F5: variants seen among roughly 807,000 people sequenced by gnomAD.
The protein encoded by F5 is coagulation factor V, also known as activated protein c cofactor.
A neutral mutation model predicts 216.4 loss-of-function variants in F5; 138 were observed. The ratio of observed to expected loss-of-function variants is 0.64; its 90% CI spans 0.56 to 0.73. The LOEUF (loss-of-function observed/expected upper bound fraction) is 0.73, where lower values mean the gene tolerates loss of function less well. F5 is among the 30% of genes least tolerant of loss of function. The probability of loss-of-function intolerance (pLI) is 0.00; values close to 1 mark genes in which losing one functional copy is unlikely to be tolerated. For missense variants in F5, 2,403 were observed against 2,674.0 expected (o/e 0.90, Z 2.24); for synonymous variants, 916 against 930.7 (o/e 0.98, Z 0.29).
At chr1:169,576,723 C>T (rs548996423) in intron 2 of F5, among the ~76,000 whole-genome samples, 6 of 152,300 alleles carry the variant, frequency 3.9e-5, no homozygotes, top group Admixed American at 2.0e-4. Context: ...GAAGTTTCCA[C>T]TGACTATTCC....
intron 1 of F5, among the ~76,000 whole-genome samples, chr1:169,584,818 T>C (rs1284196696): frequency 2.0e-5 from 3 of 152,194 alleles, no homozygotes; most frequent in East Asian, 3.8e-4. Flanking sequence ...GACTCAACAA[T>C]TCCTACCAGA....
Position 169,559,293 on chromosome 1 carries a change from G to T in F5, c.590C>A (p.Thr197Asn). Residue 197 changes from threonine to asparagine, a missense_variant, in exon 5 of 25, where the codon ACC (threonine) becomes AAC (asparagine). Transcript: ENST00000367797. ...IGPLLICKKG[T>N]LTEGGTQKTF... ...CTTCTGTGTCCCACCCTCAGTTAGG[G>T]TCCCTATGAAAGGAAAGACATGTTT... is the stretch of plus-strand genomic sequence containing the variant. 2 of 1,613,506 alleles carry T rather than the reference G, an allele frequency of 1.2e-6. No individual in the cohort carries two copies. The highest frequency in any genetic ancestry group is 1.7e-6 in the Non-Finnish European group (2 of 1,179,652).
At chr1:169,553,681 C>T (rs1300346414) in intron 7 of F5, among the ~76,000 whole-genome samples, 1 of 152,194 alleles carries the variant, frequency 6.6e-6, no homozygotes, top group Non-Finnish European at 1.5e-5. Flanking sequence ...GAGATTGCGC[C>T]ACTGCACTCC....
At chr1:169,521,381 C>T (rs1659301973) in intron 21 of F5, among the ~76,000 whole-genome samples, 1 of 152,166 alleles carries the variant, frequency 6.6e-6, no homozygotes, top group Non-Finnish European at 1.5e-5. Context: ...GGGGAACTTC[C>T]CTTCCCACCC....
chr1:169,555,301 G>C lies in F5; in HGVS notation c.999C>G (p.Thr333=), dbSNP rs902441840. The C allele has an allele frequency of 6.2e-7, 1 of 1,614,024 alleles. No individual in the cohort carries two copies. The highest frequency in any genetic ancestry group is 1.3e-5 in the African/African-American group (1 of 75,002). The change falls in exon 7 of 25, where the codon ACC becomes ACG. Residue 333 remains threonine, a synonymous_variant. Transcript: ENST00000367797. ...YIDIKNCPKK[T]RNLKKITREQ... is the part of the protein sequence containing the mutation. ...CACGAGTTATTTTCTTAAGATTCCTGGTTTTCTTTGGGCAGTTTTTAATGT... is the reference window on the plus strand; with the variant it reads ...CACGAGTTATTTTCTTAAGATTCCTCGTTTTCTTTGGGCAGTTTTTAATGT...
chr1:169,523,152 C>G, intron 21 of F5, 45 bp downstream of exon 21: 2 of 1,606,966 alleles, frequency 1.2e-6, no homozygotes, highest in Non-Finnish European at 1.7e-6. Context: ...TAATTCTAGG[C>G]CAAGTCTAGA....
intron 7 of F5, among the ~76,000 whole-genome samples, chr1:169,553,621 C>T (rs1210748921): frequency 1.3e-5 from 2 of 152,172 alleles, no homozygotes; most frequent in African/African-American, 4.8e-5. Context: ...ACTCGGGAGG[C>T]TGAGGCAGGA....
rs1053506664 is a variant in F5 at position 169,514,185 on chromosome 1, T to G, written c.*128A>C. On this transcript the variant is annotated 3_prime_UTR_variant, in exon 25 of 25. Coordinates refer to ENST00000367797, the MANE Select transcript of F5 (RefSeq NM_000130.5). ...AAAAGCTTCTTGTATAAAATTTTAT[T>G]CACTAATAGAAAAGAAAGAGAAATA... 9.4e-6 allele frequency: 9 copies of G among 953,668 alleles called. No individual in the cohort carries two copies. The highest frequency in any genetic ancestry group is 2.2e-5 in the Admixed American group (1 of 46,336). The allele number at this position is 953,668 out of a possible 1,614,324, so 59.1% of individuals were successfully genotyped here. A position where few individuals can be genotyped will look rare whatever the true frequency, so the allele number is the denominator to read the frequency against.
rs1310557336 is a variant in F5 at position 169,540,756 on chromosome 1, G to C, written c.4334C>G (p.Thr1445Ser). The C allele has an allele frequency of 1.2e-6, 2 of 1,614,038 alleles. No homozygotes were observed. Among genetic ancestry groups the C allele is most frequent in the Non-Finnish European group, 1.7e-6 (2 of 1,179,982 alleles). The change falls in exon 13 of 25, where the codon ACC (threonine) becomes AGC (serine). Residue 1445 changes from threonine to serine, a missense_variant. Physicochemically the swap from Thr to Ser is moderately conservative, Grantham distance 58. Around this residue, in one of 4 missense-constraint regions of F5, gnomAD observed 293 missense variants for 270.8 expected, o/e 1.08. Coordinates refer to ENST00000367797, the MANE Select transcript of F5 (RefSeq NM_000130.5). ...CTGGCTGAGATCCGGGAGAAGGGTG[G>C]TGTCACTGATGTCTGGAGAGAGAGT... Reference protein sequence around the residue: ...QVTLSPDISDTTLLPDLSQIS... With the variant: ...QVTLSPDISDSTLLPDLSQIS...
intron 20 of F5, 82 bp from the exon 21 acceptor site, chr1:169,523,434 TC>T: frequency 6.6e-7 from 1 of 1,518,446 alleles, no homozygotes; most frequent in Non-Finnish European, 9.1e-7. Context: ...CAATCAGCTT[TC>T]TTCAGAACTA....
intron 6 of F5, among the ~76,000 whole-genome samples, chr1:169,555,861 A>G (rs964251778): frequency 2.0e-5 from 3 of 152,038 alleles, no homozygotes; most frequent in African/African-American, 7.3e-5. Flanking sequence ...TATTACTTCA[A>G]ATATAATTTT....
At position 169,514,154 on chromosome 1, in the gene F5, C is replaced by T; in HGVS notation, c.*159G>A. On this transcript the variant is annotated 3_prime_UTR_variant, in exon 25 of 25. Transcript: ENST00000367797. ...CTTACTTACTGGTAGCAAGGAGTTA[C>T]ATTATAAAAGCTTCTTGTATAAAAT... is the stretch of plus-strand genomic sequence containing the variant. 1.4e-6 allele frequency: 1 copy of T among 698,640 alleles called. No homozygotes were observed. The highest frequency in any genetic ancestry group is 1.8e-5 in the South Asian group (1 of 54,798). 43.3% of individuals were successfully genotyped at this position (698,640 alleles called of 1,614,324 possible).
chr1:169,525,130 T>A (rs898675299), intron 18 of F5, among the ~76,000 whole-genome samples: 2 of 152,106 alleles, frequency 1.3e-5, no homozygotes, highest in African/African-American at 2.4e-5. Flanking sequence ...GCAACTGAAA[T>A]CCTGAAATGT....
intron 3 of F5, among the ~76,000 whole-genome samples, chr1:169,565,543 G>A (rs1038041668): frequency 1.8e-4 from 28 of 152,116 alleles, no homozygotes; most frequent in African/African-American, 5.3e-4. Flanking sequence ...TTATGATTGC[G>A]TAATGTTAAA....
chr1:169,549,736 C>A, intron 10 of F5, 65 bp downstream of exon 10: 2 of 1,215,502 alleles, frequency 1.6e-6, no homozygotes, highest in East Asian at 4.8e-5. Context: ...AGCCAGGAGA[C>A]CTAACATGTT....
At position 169,542,517 on chromosome 1, in the gene F5, T is replaced by C. The variant is rs4524; in HGVS notation, c.2573A>G (p.Lys858Arg). ...RLLSLGAGEF[K>R]SQEHAKHKGP... ...CTTATGCTTAGCATGTTCTTGACTT[T>C]TGAATTCTCCAGCACCAAGTGAAAG... is the stretch of plus-strand genomic sequence containing the variant. The change falls in exon 13 of 25, where the codon AAA becomes AGA. Residue 858 changes from lysine to arginine, a missense_variant. Lys to Arg is a conservative substitution (Grantham distance 26, BLOSUM62 2). Transcript: ENST00000367797. 0.27 allele frequency: 436,662 copies of C among 1,613,702 alleles called. 60,850 individuals are homozygous for C. The highest frequency in any genetic ancestry group is 0.39 in the Admixed American group (23,498 of 59,990).
At chr1:169,519,635 T>C (rs1450808888) in intron 22 of F5, among the ~76,000 whole-genome samples, 3 of 152,214 alleles carry the variant, frequency 2.0e-5, no homozygotes, top group Admixed American at 2.0e-4. Flanking sequence ...TTGTGAATCA[T>C]GGTGGCTTCT....
chr1:169,542,874 A>G lies in F5; in HGVS notation c.2216T>C (p.Phe739Ser), dbSNP rs1343674890. Residue 739 changes from phenylalanine to serine, a missense_variant, in exon 13 of 25, where the codon TTC becomes TCC. Physicochemically the swap from Phe to Ser is radical, Grantham distance 155. Coordinates refer to ENST00000367797, the MANE Select transcript of F5 (RefSeq NM_000130.5). The part of the protein sequence containing the change: ...RLAAALGIRS[F>S]RNSSLNQEEE... ...TTCCTGATTCAATGATGAGTTTCGG[A>G]ATGACCTGATTCCTAATGCTGCAGC... The G allele has an allele frequency of 6.2e-7, 1 of 1,614,140 alleles. No individual in the cohort carries two copies. Among genetic ancestry groups the G allele is most frequent in the Non-Finnish European group, 8.5e-7 (1 of 1,179,988 alleles).
At position 169,529,641 on chromosome 1, in the gene F5, A is replaced by T; in HGVS notation, c.5386T>A (p.Ser1796Thr). The change falls in exon 16 of 25, where the codon TCC becomes ACC. Residue 1796 changes from serine (S) to threonine (T), a missense_variant. Physicochemically the swap from Ser to Thr is moderately conservative, Grantham distance 58. Around this residue, in one of 4 missense-constraint regions of F5, gnomAD observed 659 missense variants for 787.9 expected, o/e 0.84. Coordinates refer to ENST00000367797, the MANE Select transcript of F5 (RefSeq NM_000130.5). ...TCATGGGATTTTTTCATTTCTGAGG[A>T]TGTGAGTCTCCAAGAACTTCGGGAC... ...KKSRSSWRLT[S>T]SEMKKSHEFH... 6.2e-7 allele frequency: 1 copy of T among 1,613,754 alleles called. No individual in the cohort carries two copies. Among genetic ancestry groups the T allele is most frequent in the Non-Finnish European group, 8.5e-7 (1 of 1,179,782 alleles).
Sources: gnomAD v4.1 joint callset for allele counts (sites outside exome capture counted in the v4.1 genomes callset) on GRCh38, gnomAD v4.1.1 for gene constraint, gnomAD v4.1.1 regional missense constraint, MANE v1.5 for transcripts, NCBI Gene and HGNC (gene_info 2026-07-23, HGNC 2026-07-21) for gene names.